Variants in GMDS observed in about 807,000 individuals in gnomAD.
The protein encoded by GMDS is GDP-mannose 4,6-dehydratase.
In GMDS, 20 loss-of-function variants were observed where a neutral mutation model predicts 49.9. The observed-to-expected ratio is 0.40, with a 90% CI of 0.28 to 0.58. GMDS has a LOEUF of 0.58. Ranked by LOEUF, GMDS falls within the 20% of genes least tolerant of loss-of-function variation. The pLI is 0.42. For synonymous variants in GMDS, 177 were observed against 178.6 expected, an observed-to-expected ratio of 0.99 and a Z score of 0.07; for missense variants, 362 against 481.4, an observed-to-expected ratio of 0.75 and a Z score of 2.32.
At chr6:1,781,365 G>A (rs943260525) in intron 7 of GMDS, among the ~76,000 whole-genome samples, 2 of 152,190 alleles carry the variant, frequency 1.3e-5, no homozygotes, top group Non-Finnish European at 2.9e-5. Context: ...CCCGGCTCCT[G>A]GGCTCTCGCT....
At chr6:2,173,211 A>C (rs757009107) in intron 1 of GMDS, among the ~76,000 whole-genome samples, 37 of 152,236 alleles carry the variant, frequency 2.4e-4, no homozygotes, top group Non-Finnish European at 4.6e-4. Flanking sequence ...ATTGAGTCTT[A>C]AGCCTTTCAT....
At chr6:2,238,352 C>A (rs1182624650) in intron 1 of GMDS, among the ~76,000 whole-genome samples, 1 of 152,156 alleles carries the variant, frequency 6.6e-6, no homozygotes, top group African/African-American at 2.4e-5. Context: ...CACTGCACTT[C>A]AAACTCCAGA....
At chr6:1,799,445 A>T (rs1769862462) in intron 7 of GMDS, among the ~76,000 whole-genome samples, 1 of 152,172 alleles carries the variant, frequency 6.6e-6, no homozygotes, top group Non-Finnish European at 1.5e-5. Flanking sequence ...AAGTTGTGAT[A>T]CCTCTGATGG....
At chr6:2,001,960 C>G (rs1052781985) in intron 4 of GMDS, among the ~76,000 whole-genome samples, 5 of 152,148 alleles carry the variant, frequency 3.3e-5, no homozygotes, top group African/African-American at 1.2e-4. Flanking sequence ...CCACCAATTC[C>G]TTTTACTGTG....
At chr6:2,077,869 T>G (rs1435655777) in intron 4 of GMDS, among the ~76,000 whole-genome samples, 3 of 152,096 alleles carry the variant, frequency 2.0e-5, no homozygotes, top group Admixed American at 6.5e-5. Flanking sequence ...TCAGTTCTTC[T>G]TTATACATAT....
chr6:1,933,202 G>T lies in GMDS; in HGVS notation c.644-2972C>A, dbSNP rs531302847. Among the ~76,000 whole-genome samples the T allele has an allele frequency of 3.3e-5, 5 of 152,328 alleles. No homozygotes were observed. In the East Asian group the frequency reaches 9.6e-4, roughly 29 times the overall value. On this transcript the variant is annotated intron_variant, in intron 6 of 10. Transcript: ENST00000380815. ...TCAAGGTTCATCCATACTGTAGCTT[G>T]AATCAGTACATTGTTCCTTTTTTAT...
intron 1 of GMDS, among the ~76,000 whole-genome samples, chr6:2,214,607 C>T (rs565516182): frequency 3.9e-5 from 6 of 152,058 alleles, no homozygotes; most frequent in Non-Finnish European, 7.4e-5. Flanking sequence ...CTGGTGTCTG[C>T]GAGGGTCCTG....
chr6:1,878,124 T>C (rs537448219), intron 7 of GMDS, among the ~76,000 whole-genome samples: 5 of 152,014 alleles, frequency 3.3e-5, no homozygotes, highest in East Asian at 3.9e-4. Flanking sequence ...CCATCCTGGC[T>C]AACATGGTGA....
At chr6:2,117,145 G>A (rs1181924337) in intron 3 of GMDS, among the ~76,000 whole-genome samples, 1 of 152,154 alleles carries the variant, frequency 6.6e-6, no homozygotes, top group Non-Finnish European at 1.5e-5. Flanking sequence ...GCGGGTCGGT[G>A]CACTGCCAGT....
intron 6 of GMDS, among the ~76,000 whole-genome samples, chr6:1,933,771 T>C (rs1347416860): frequency 6.6e-6 from 1 of 152,230 alleles, no homozygotes; most frequent in African/African-American, 2.4e-5. Context: ...TGGATCCAAG[T>C]CCCTTATCAG....
chr6:2,094,388 G>T (rs2127479299), intron 4 of GMDS, among the ~76,000 whole-genome samples: 1 of 152,322 alleles, frequency 6.6e-6, no homozygotes, highest in East Asian at 1.9e-4. Context: ...GGGGCACAAG[G>T]AAATATAGCT....
intron 6 of GMDS, among the ~76,000 whole-genome samples, chr6:1,931,496 T>A (rs1762282981): frequency 6.6e-6 from 1 of 152,192 alleles, no homozygotes; most frequent in Non-Finnish European, 1.5e-5. Context: ...AGATGGTATG[T>A]TAAGAAATAC....
chr6:2,169,852 C>G (rs1388172692), intron 1 of GMDS, among the ~76,000 whole-genome samples: 1 of 152,140 alleles, frequency 6.6e-6, no homozygotes, highest in Non-Finnish European at 1.5e-5. Flanking sequence ...CCCTGACTAT[C>G]AATTACTGCT....
intron 9 of GMDS, chr6:1,625,001 C>G (rs1476975147): frequency 6.5e-6 from 1 of 152,894 alleles, no homozygotes; most frequent in African/African-American, 2.4e-5. Flanking sequence ...CAGGGCTGGC[C>G]GCGCCAAGCG....
At chr6:2,063,204 C>G (rs1581593813) in intron 4 of GMDS, among the ~76,000 whole-genome samples, 1 of 152,196 alleles carries the variant, frequency 6.6e-6, no homozygotes, top group Non-Finnish European at 1.5e-5. Context: ...TAAATCACTA[C>G]CCCTGTGGAG....
chr6:1,968,129 T>A (rs2127314027), intron 4 of GMDS, among the ~76,000 whole-genome samples: 1 of 152,298 alleles, frequency 6.6e-6, no homozygotes, highest in Non-Finnish European at 1.5e-5. Flanking sequence ...TAACTAAATG[T>A]TAATTTTATA....
intron 7 of GMDS, among the ~76,000 whole-genome samples, chr6:1,857,953 T>C (rs768012708): frequency 6.6e-6 from 1 of 152,204 alleles, no homozygotes; most frequent in Non-Finnish European, 1.5e-5. Flanking sequence ...TAAGCTTGTG[T>C]TATGTTTATG....
intron 1 of GMDS, among the ~76,000 whole-genome samples, chr6:2,200,510 C>T (rs1779468063): frequency 6.9e-6 from 1 of 145,768 alleles, no homozygotes; most frequent in Non-Finnish European, 1.5e-5. Flanking sequence ...CGAGATGTAA[C>T]CAACTAGGCA....
At chr6:2,234,011 C>T (rs1325291716) in intron 1 of GMDS, among the ~76,000 whole-genome samples, 2 of 152,112 alleles carry the variant, frequency 1.3e-5, no homozygotes, top group Non-Finnish European at 2.9e-5. Context: ...CTATTGAGAG[C>T]CCACCATATT....
Sources: allele counts gnomAD v4.1 joint callset (sites outside exome capture counted in the v4.1 genomes callset), GRCh38; gene constraint gnomAD v4.1.1; transcripts MANE v1.5; gene names NCBI Gene and HGNC (gene_info 2026-07-23, HGNC 2026-07-21).